MYRIP: variants seen among roughly 807,000 people sequenced by gnomAD.
MYRIP encodes the protein myosin VIIA and Rab interacting protein, also known as rab effector MyRIP.
Under a neutral mutation model 98.0 loss-of-function variants are expected in MYRIP, and 49 were observed. That is an observed-to-expected ratio of 0.50 (90% confidence interval 0.40 to 0.63). The LOEUF is 0.63. MYRIP is among the 30% of genes least tolerant of loss of function. The pLI, the probability that MYRIP is intolerant of heterozygous loss-of-function variation, is 0.00. For missense variants in MYRIP, 1,004 were observed against 1,058.2 expected, an observed-to-expected ratio of 0.95 and a Z score of 0.71; for synonymous variants, 404 against 409.5, an observed-to-expected ratio of 0.99 and a Z score of 0.16.
chr3:39,980,682 T>C (rs1945870515), intron 2 of MYRIP, among the ~76,000 whole-genome samples: 1 of 152,218 alleles, frequency 6.6e-6, no homozygotes. Context: ...GTTGCTTTAG[T>C]TACCTTGTCC....
chr3:40,164,138 C>T (rs983491962), intron 5 of MYRIP, among the ~76,000 whole-genome samples: 2 of 152,118 alleles, frequency 1.3e-5, no homozygotes, highest in Non-Finnish European at 2.9e-5. Flanking sequence ...ATGTTTCCTT[C>T]AGTCCCTCTC....
chr3:39,968,482 A>T (rs1945496668), intron 2 of MYRIP, among the ~76,000 whole-genome samples: 1 of 152,102 alleles, frequency 6.6e-6, no homozygotes, highest in Admixed American at 6.6e-5. Context: ...TCTTTAACCT[A>T]TCTTGAGTTG....
chr3:39,898,233 T>C (rs1559514477), intron 1 of MYRIP, among the ~76,000 whole-genome samples: 1 of 152,158 alleles, frequency 6.6e-6, no homozygotes, highest in Non-Finnish European at 1.5e-5. Flanking sequence ...GGACTGACAA[T>C]TTACTTTTGA....
At chr3:40,157,722 G>T (rs1237450809) in intron 4 of MYRIP, among the ~76,000 whole-genome samples, 1 of 150,558 alleles carries the variant, frequency 6.6e-6, no homozygotes, top group Non-Finnish European at 1.5e-5. Context: ...GTTTAGTCTT[G>T]GGAGAGTGTA....
chr3:39,810,433 C>G (rs767872145), intron 1 of MYRIP: 1 of 152,840 alleles, frequency 6.5e-6, no homozygotes, highest in African/African-American at 2.4e-5. Context: ...TGCGTCTGGC[C>G]CTCGCCCGCG....
chr3:40,124,766 AG>A (rs920202224), intron 3 of MYRIP, among the ~76,000 whole-genome samples: 1 of 152,190 alleles, frequency 6.6e-6, no homozygotes, highest in Non-Finnish European at 1.5e-5. Flanking sequence ...CAGCTGGGGA[AG>A]GGCAGCTAGG....
At chr3:39,956,146 A>G (rs1945154695) in intron 2 of MYRIP, among the ~76,000 whole-genome samples, 1 of 152,190 alleles carries the variant, frequency 6.6e-6, no homozygotes, top group Non-Finnish European at 1.5e-5. Context: ...AAGGATATCC[A>G]GGAATTGAAC....
chr3:40,129,885 A>G (rs1049690602), intron 3 of MYRIP, among the ~76,000 whole-genome samples: 1 of 152,216 alleles, frequency 6.6e-6, no homozygotes, highest in Non-Finnish European at 1.5e-5. Context: ...GTGCTGTTCT[A>G]TGTGATTCCG....
At chr3:40,002,985 C>T (rs1946553143) in intron 2 of MYRIP, among the ~76,000 whole-genome samples, 1 of 151,400 alleles carries the variant, frequency 6.6e-6, no homozygotes, top group Non-Finnish European at 1.5e-5. Flanking sequence ...TGTATCTAGA[C>T]ATCTATAGGT....
chr3:40,079,823 A>G (rs1409113574), intron 3 of MYRIP, among the ~76,000 whole-genome samples: 5 of 152,238 alleles, frequency 3.3e-5, no homozygotes, highest in Non-Finnish European at 7.3e-5. Flanking sequence ...TTTCCATTGC[A>G]ATACAAAATA....
At chr3:39,995,968 A>G (rs1217304681) in intron 2 of MYRIP, among the ~76,000 whole-genome samples, 1 of 152,226 alleles carries the variant, frequency 6.6e-6, no homozygotes, top group Non-Finnish European at 1.5e-5. Flanking sequence ...AATCCTTTAC[A>G]GACAAGCAAA....
At chr3:40,053,161 C>G (rs1947825234) in intron 3 of MYRIP, among the ~76,000 whole-genome samples, 1 of 152,158 alleles carries the variant, frequency 6.6e-6, no homozygotes, top group Admixed American at 6.5e-5. Context: ...TCTCCTTTAT[C>G]AGCCTAGTGT....
At chr3:39,938,807 T>C (rs1170285054) in intron 2 of MYRIP, among the ~76,000 whole-genome samples, 4 of 152,064 alleles carry the variant, frequency 2.6e-5, no homozygotes, top group Non-Finnish European at 5.9e-5. Context: ...GCCCGGCCCT[T>C]CTATTTTCAC....
At position 40,069,569 on chromosome 3, in the gene MYRIP, C is replaced by T. The variant is rs186223354; in HGVS notation, c.332+25298C>T. ...TCATTCCAAACTGAAGCTCTATGCC[C>T]GTTAAATAGTAACTCCCTATTCCTT... is the stretch of plus-strand genomic sequence containing the variant. On this transcript the variant is annotated intron_variant, in intron 3 of 16. Coordinates refer to ENST00000302541, the MANE Select transcript of MYRIP (RefSeq NM_015460.4). Among the ~76,000 whole-genome samples the T allele has an allele frequency of 7.5e-4, 114 of 152,202 alleles. 2 individuals are homozygous for T. The highest frequency in any genetic ancestry group is 2.6e-3 in the African/African-American group (107 of 41,512).
Position 40,258,308 on chromosome 3 carries a change from G to A in MYRIP, c.*142G>A, listed in dbSNP as rs1559481192. On this transcript the variant is annotated 3_prime_UTR_variant, in exon 17 of 17. Transcript: ENST00000302541. ...CCACAGTGCACCATTGCACAGGGCT[G>A]TCCTGATACCTCATCCAGAAAGCCG... is the stretch of plus-strand genomic sequence containing the variant. 4.4e-6 allele frequency: 4 copies of A among 916,574 alleles called. No homozygotes were observed. Among genetic ancestry groups the A allele is most frequent in the Non-Finnish European group, 7.0e-6 (4 of 574,554 alleles). The allele number at this position is 916,574 out of a possible 1,614,324, so 56.8% of individuals were successfully genotyped here.
intron 2 of MYRIP, among the ~76,000 whole-genome samples, chr3:39,974,501 A>G (rs962380157): frequency 3.3e-5 from 5 of 152,228 alleles, no homozygotes; most frequent in African/African-American, 1.2e-4. Context: ...ATTCCTTCTG[A>G]AACTATTCCA....
intron 5 of MYRIP, among the ~76,000 whole-genome samples, chr3:40,166,312 T>C (rs1389634043): frequency 6.6e-6 from 1 of 152,244 alleles, no homozygotes; most frequent in African/African-American, 2.4e-5. Flanking sequence ...TTTCCTTATA[T>C]GAAGCCCTTT....
intron 3 of MYRIP, among the ~76,000 whole-genome samples, chr3:40,113,309 A>G (rs1949199526): frequency 6.6e-6 from 1 of 152,008 alleles, no homozygotes; most frequent in Non-Finnish European, 1.5e-5. Context: ...ACACCTGGGT[A>G]ATTTTTTGTG....
At chr3:39,972,578 T>C (rs1230482595) in intron 2 of MYRIP, among the ~76,000 whole-genome samples, 1 of 152,064 alleles carries the variant, frequency 6.6e-6, no homozygotes, top group African/African-American at 2.4e-5. Context: ...CAAACCCCAA[T>C]CCTATTTCTG....
Sources: allele counts gnomAD v4.1 joint callset (sites outside exome capture counted in the v4.1 genomes callset), GRCh38; gene constraint gnomAD v4.1.1; transcripts MANE v1.5; gene names NCBI Gene and HGNC (gene_info 2026-07-23, HGNC 2026-07-21).